Variants in PAH observed in about 807,000 individuals in gnomAD.
PAH encodes phenylalanine-4-hydroxylase.
In PAH, 64 loss-of-function variants were observed where a neutral mutation model predicts 62.0. The ratio of observed to expected loss-of-function variants is 1.03; its 90% CI spans 0.84 to 1.27. The LOEUF (loss-of-function observed/expected upper bound fraction) is 1.27. Ranked by LOEUF, PAH falls within the 50% of genes most tolerant of loss-of-function variation. PAH has a pLI of 0.00. For missense variants in PAH, 579 were observed against 542.8 expected, an observed-to-expected ratio of 1.07 and a Z score of -0.66; for synonymous variants, 195 against 196.2, an observed-to-expected ratio of 0.99 and a Z score of 0.05.
intron 12 of PAH, 58 bp downstream of exon 12, chr12:102,840,342 A>T (rs1014450640): frequency 2.0e-6 from 2 of 1,018,112 alleles, no homozygotes; most frequent in Admixed American, 3.4e-5. Context: ...GATGGTAGGG[A>T]AAGACAGTCT....
chr12:102,844,389 C>A lies in PAH; in HGVS notation c.1012G>T (p.Asp338Tyr), dbSNP rs62516150. The A allele has an allele frequency of 6.2e-6, 10 of 1,613,910 alleles. No homozygotes were observed. Among genetic ancestry groups the A allele is most frequent in the Non-Finnish European group, 8.5e-6 (10 of 1,179,874 alleles). ...TVEFGLCKQGDSIKAYGAGLL... is the reference protein window; with the variant it reads ...TVEFGLCKQGYSIKAYGAGLL... ...CCAGCACCATATGCCTTTATGGAGTCTCCTTGTTTGCAGAGCCCAAACTCC... is the reference window on the plus strand; with the variant it reads ...CCAGCACCATATGCCTTTATGGAGTATCCTTGTTTGCAGAGCCCAAACTCC... The change falls in exon 10 of 13, where the codon GAC (aspartate) becomes TAC (tyrosine). Residue 338 changes from aspartate (D) to tyrosine (Y), a missense_variant. Coordinates refer to ENST00000553106, the MANE Select transcript of PAH (RefSeq NM_000277.3).
rs538989641 is a variant in PAH, at chr12:102,916,704, C to T, written c.60+367G>A. On this transcript the variant is annotated intron_variant, in intron 1 of 12. Coordinates refer to ENST00000553106, the MANE Select transcript of PAH (RefSeq NM_000277.3). Reference sequence around the variant, plus strand: ...ACAAAAGAAATCTAGAAGGATTCCACATCCCATCCCAGATCATTAGGGACC... The same window carrying T: ...ACAAAAGAAATCTAGAAGGATTCCATATCCCATCCCAGATCATTAGGGACC... 6.4e-4 allele frequency: 190 copies of T among 296,276 alleles called. 3 individuals are homozygous for T. The highest frequency in any genetic ancestry group is 5.5e-3 in the South Asian group (148 of 26,986). 18.4% of individuals were successfully genotyped at this position (296,276 alleles called of 1,614,324 possible).
chr12:102,911,302 T>C (rs1294105381), intron 2 of PAH, among the ~76,000 whole-genome samples: 1 of 152,176 alleles, frequency 6.6e-6, no homozygotes, highest in African/African-American at 2.4e-5. Context: ...TTTCCTGTTA[T>C]TGAGGAAGAG....
intron 2 of PAH, among the ~76,000 whole-genome samples, chr12:102,911,642 T>G (rs1050499364): frequency 9.9e-5 from 15 of 152,190 alleles, no homozygotes; most frequent in African/African-American, 3.4e-4. Flanking sequence ...CTCAGAATAT[T>G]TGCTTCCCCT....
intron 1 of PAH, among the ~76,000 whole-genome samples, chr12:102,945,767 A>C (rs1055484124): frequency 6.6e-6 from 1 of 152,078 alleles, no homozygotes; most frequent in Non-Finnish European, 1.5e-5. Context: ...TGGGAACCCA[A>C]GAGCCTGCCT....
chr12:102,958,285 A>AGCAGCCCCAGCC lies in PAH; in HGVS notation c.-198_-187dup, dbSNP rs752400009. On this transcript the variant is annotated 5_prime_UTR_variant, in exon 1 of 5. Transcript: ENST00000551337. Reference sequence around the variant, plus strand: ...AAGATGGAGAGCGGCGGCGCCGGCCAGCAGCCCCAGCCGCAGCCCCAGCAG... The same window carrying AGCAGCCCCAGCC: ...AAGATGGAGAGCGGCGGCGCCGGCCAGCAGCCCCAGCCGCAGCCCCAGCCGCAGCCCCAGCAG... 94 of 1,477,148 alleles carry AGCAGCCCCAGCC rather than the reference A, an allele frequency of 6.4e-5. No homozygotes were observed. In the African/African-American group the frequency reaches 7.3e-4, roughly 11 times the overall value. The allele number at this position is 1,477,148 out of a possible 1,614,324, so 91.5% of individuals were successfully genotyped here.
chr12:102,958,411 A>G, upstream of PAH: 1 of 1,527,058 alleles, frequency 6.5e-7, no homozygotes, highest in Non-Finnish European at 8.8e-7. Flanking sequence ...CAGCAGCAGC[A>G]GCAGCAGCAG....
chr12:102,844,354 T>A lies in PAH; in HGVS notation c.1047A>T (p.Ser349=), dbSNP rs775356291. ...SIKAYGAGLL[S]SFGELQYCLS... ...GTCATACCTGTAATTCACCAAAGGA[T>A]GACAGGAGCCCAGCACCATATGCCT... The change falls in exon 10 of 13, where the codon TCA becomes TCT. Residue 349 remains serine (S), a synonymous_variant. Coordinates refer to ENST00000553106, the MANE Select transcript of PAH (RefSeq NM_000277.3). The A allele has an allele frequency of 1.9e-6, 3 of 1,612,972 alleles. No homozygotes were observed. The South Asian group carries it at 3.3e-5, about 18-fold the overall frequency.
intron 6 of PAH, among the ~76,000 whole-genome samples, chr12:102,853,914 G>A (rs754817522): frequency 3.3e-4 from 51 of 152,324 alleles, no homozygotes; most frequent in Non-Finnish European, 5.1e-4. Flanking sequence ...ACAGAGATAG[G>A]TTAAAGGTTT....
intron 12 of PAH, 21 bp downstream of exon 12, chr12:102,840,378 TC>T (rs1400789120): frequency 7.0e-7 from 1 of 1,425,042 alleles, no homozygotes; most frequent in East Asian, 2.3e-5. Context: ...CCGAGTGGCC[TC>T]GTAAGGTGTA....
intron 3 of PAH, among the ~76,000 whole-genome samples, chr12:102,886,856 G>C (rs1877062353): frequency 6.6e-6 from 1 of 152,028 alleles, no homozygotes; most frequent in African/African-American, 2.4e-5. Context: ...CCTATCATGT[G>C]GCTGACACCG....
At chr12:102,881,316 G>A (rs574245833) in intron 3 of PAH, among the ~76,000 whole-genome samples, 2 of 150,792 alleles carry the variant, frequency 1.3e-5, no homozygotes, top group African/African-American at 4.9e-5. Flanking sequence ...CTGACCTATT[G>A]CATATATTTT....
chr12:102,952,581 A>G (rs1438253085), upstream of PAH, among the ~76,000 whole-genome samples: 1 of 152,138 alleles, frequency 6.6e-6, no homozygotes, highest in Non-Finnish European at 1.5e-5. Flanking sequence ...GAAGGTATTT[A>G]ATCATAATGT....
intron 1 of PAH, chr12:102,914,420 A>G: frequency 6.5e-6 from 1 of 152,970 alleles, no homozygotes; most frequent in East Asian, 1.9e-4. Flanking sequence ...TATTGATGAC[A>G]AGATTAAGGC....
At chr12:102,934,691 G>A (rs1879037074) in intron 1 of PAH, among the ~76,000 whole-genome samples, 1 of 151,962 alleles carries the variant, frequency 6.6e-6, no homozygotes, top group African/African-American at 2.4e-5. Flanking sequence ...TTGTAAATGG[G>A]ATTATGTTCT....
At chr12:102,946,391 A>G (rs1255111256) in intron 1 of PAH, among the ~76,000 whole-genome samples, 1 of 152,206 alleles carries the variant, frequency 6.6e-6, no homozygotes, top group African/African-American at 2.4e-5. Flanking sequence ...AGTACCCAAG[A>G]GCTGTTTAGC....
rs199475581 is a variant in PAH at position 102,852,824 on chromosome 12, GTATACATGGGC to G, written c.822_832del (p.Lys274AsnfsTer5). On this transcript the variant is annotated frameshift_variant, in exon 7 of 13. Coordinates refer to ENST00000553106, the MANE Select transcript of PAH (RefSeq NM_000277.3). LOFTEE classifies it high-confidence loss of function. ...GGAGGACAGTACTCACGGTTCGGGGGTATACATGGGCTTGGATCCATGTCTGATGTACTGTG... is the reference window on the plus strand; with the variant it reads ...GGAGGACAGTACTCACGGTTCGGGGGTTGGATCCATGTCTGATGTACTGTG... 3.1e-6 allele frequency: 5 copies of G among 1,614,064 alleles called. No homozygotes were observed. Among genetic ancestry groups the G allele is most frequent in the Non-Finnish European group, 3.4e-6 (4 of 1,179,946 alleles).
intron 1 of PAH, among the ~76,000 whole-genome samples, chr12:102,924,682 G>C (rs1878640318): frequency 6.6e-6 from 1 of 152,104 alleles, no homozygotes; most frequent in African/African-American, 2.4e-5. Flanking sequence ...GCCTATCTTT[G>C]AAGAGGAGGA....
upstream of PAH, among the ~76,000 whole-genome samples, chr12:102,919,908 A>G (rs1424673596): frequency 6.6e-6 from 1 of 152,204 alleles, no homozygotes; most frequent in Non-Finnish European, 1.5e-5. Flanking sequence ...CAACAAACAT[A>G]AAAGAACAGA....
Sources: allele counts gnomAD v4.1 joint callset (sites outside exome capture counted in the v4.1 genomes callset), GRCh38; gene constraint gnomAD v4.1.1; transcripts MANE v1.5; gene names NCBI Gene and HGNC (gene_info 2026-07-23, HGNC 2026-07-21).